NDRG1: variants seen among roughly 807,000 people sequenced by gnomAD.
The protein encoded by NDRG1 is protein NDRG1.
In NDRG1, 32 loss-of-function variants were observed where a neutral mutation model predicts 56.9. The ratio of observed to expected loss-of-function variants is 0.56; its 90% CI spans 0.42 to 0.76. NDRG1 has a LOEUF of 0.76. Among genes scored for constraint, NDRG1 ranks in the 30% least tolerant of loss-of-function variants. The pLI is 0.00. For missense variants in NDRG1, 507 were observed against 545.7 expected (o/e 0.93, Z 0.71); for synonymous variants, 211 against 204.1 (o/e 1.03, Z -0.29).
intron 1 of NDRG1, among the ~76,000 whole-genome samples, chr8:133,295,146 G>T (rs13249682): frequency 6.6e-6 from 1 of 152,132 alleles, no homozygotes; most frequent in Non-Finnish European, 1.5e-5. Flanking sequence ...AAAAGCAAAA[G>T]CCAACACCTC....
chr8:133,238,861 G>A lies in NDRG1; in HGVS notation c.*17C>T, dbSNP rs1225843768. On this transcript the variant is annotated 3_prime_UTR_variant, in exon 16 of 16. Transcript: ENST00000323851. ...CTACAGAGATCAGAGTCCGGGGGCG[G>A]CAGCTGGGCAGGCCGCCTAGCAGGA... The A allele has an allele frequency of 1.3e-6, 2 of 1,547,406 alleles. No individual in the cohort carries two copies. The highest frequency in any genetic ancestry group is 1.4e-5 in the African/African-American group (1 of 73,480).
chr8:133,256,646 G>C, intron 8 of NDRG1, 131 bp downstream of exon 8: 1 of 807,594 alleles, frequency 1.2e-6, no homozygotes, highest in Non-Finnish European at 2.1e-6. Context: ...GAACTGGAGT[G>C]GGCAGTAGAG....
chr8:133,286,691 G>A (rs933048456), intron 1 of NDRG1, among the ~76,000 whole-genome samples: 9 of 152,196 alleles, frequency 5.9e-5, no homozygotes, highest in Admixed American at 1.3e-4. Flanking sequence ...GGATGATCAC[G>A]GGGTATATCT....
intron 3 of NDRG1, among the ~76,000 whole-genome samples, chr8:133,273,169 AC>A (rs1857280140): frequency 2.5e-5 from 2 of 80,192 alleles, no homozygotes; most frequent in Admixed American, 3.0e-4. Context: ...TGGTGAGCAC[AC>A]AAACACAGAT....
chr8:133,290,007 A>G (rs1055594947), intron 1 of NDRG1, among the ~76,000 whole-genome samples: 1 of 152,174 alleles, frequency 6.6e-6, no homozygotes, highest in Admixed American at 6.5e-5. Context: ...TGCTTCACCA[A>G]GACAAAAGGG....
intron 14 of NDRG1, among the ~76,000 whole-genome samples, chr8:133,243,186 C>A (rs1855481359): frequency 2.6e-5 from 4 of 152,178 alleles, no homozygotes; most frequent in Admixed American, 2.6e-4. Context: ...CCACAAAGAG[C>A]CAAATGACAT....
intron 15 of NDRG1, chr8:133,240,988 C>T (rs1855348744): frequency 6.6e-6 from 1 of 152,174 alleles, no homozygotes; most frequent in Non-Finnish European, 1.5e-5. Context: ...GATGTGGATC[C>T]TGCCTGAGCC....
chr8:133,262,980 A>G (rs1206846537), intron 4 of NDRG1, among the ~76,000 whole-genome samples: 1 of 152,174 alleles, frequency 6.6e-6, no homozygotes, highest in African/African-American at 2.4e-5. Flanking sequence ...CTAAACACCC[A>G]CTAAACTGTT....
chr8:133,252,887 G>A (rs768317704), intron 9 of NDRG1, among the ~76,000 whole-genome samples: 2 of 151,334 alleles, frequency 1.3e-5, no homozygotes, highest in East Asian at 3.9e-4. Context: ...TCGTACACTC[G>A]TCAACTCCAG....
At chr8:133,285,006 C>G (rs1298397201) in intron 1 of NDRG1, 2 of 375,938 alleles carry the variant, frequency 5.3e-6, no homozygotes, top group Non-Finnish European at 1.1e-5. Context: ...GAAAGCACTT[C>G]CTGGATCAAA....
chr8:133,243,617 G>GA (rs753224611), intron 14 of NDRG1, among the ~76,000 whole-genome samples: 1 of 152,086 alleles, frequency 6.6e-6, no homozygotes, highest in Non-Finnish European at 1.5e-5. Context: ...CTGAAGCTCT[G>GA]AAAATTCTTT....
chr8:133,261,961 A>C, intron 5 of NDRG1, 86 bp downstream of exon 5: 1 of 1,483,218 alleles, frequency 6.7e-7, no homozygotes, highest in Non-Finnish European at 9.0e-7. Context: ...CACAGTTAAA[A>C]AGTATTTAAA....
rs151091036 is a variant in NDRG1 at position 133,267,256 on chromosome 8, C to T, written c.100-2604G>A. On this transcript the variant is annotated intron_variant, in intron 3 of 15. Coordinates refer to ENST00000323851, the MANE Select transcript of NDRG1 (RefSeq NM_006096.4). ...TTCACTCGCCTGCCCTGGGTTTCCG[C>T]CCTCCTCAAGGTTACCTAAAAGTTC... 7.2e-5 allele frequency among the ~76,000 whole-genome samples: 11 copies of T among 152,322 alleles called. No homozygotes were observed. In the East Asian group the frequency reaches 1.7e-3, roughly 24 times the overall value.
intron 1 of NDRG1, among the ~76,000 whole-genome samples, chr8:133,290,394 G>A (rs1858365529): frequency 6.6e-6 from 1 of 152,178 alleles, no homozygotes; most frequent in Non-Finnish European, 1.5e-5. Context: ...CTTCCTTTAA[G>A]CCTCACAGAA....
At position 133,287,295 on chromosome 8, in the gene NDRG1, C is replaced by T. The variant is rs953065388; in HGVS notation, c.-18-2966G>A. Among the ~76,000 whole-genome samples the T allele has an allele frequency of 7.2e-5, 11 of 152,334 alleles. No individual in the cohort carries two copies. In the South Asian group the frequency reaches 8.3e-4, roughly 11 times the overall value. ...ACAATCTGCCCACTCCCAGCCCCCACGCCACCAGGCTGGCCCTCAAAGAAC... is the reference window on the plus strand; with the variant it reads ...ACAATCTGCCCACTCCCAGCCCCCATGCCACCAGGCTGGCCCTCAAAGAAC... On this transcript the variant is annotated intron_variant, in intron 1 of 15. Transcript: ENST00000323851.
rs139720535 is a variant in NDRG1 at position 133,264,250 on chromosome 8, A to G, written c.205+297T>C. Among the ~76,000 whole-genome samples the G allele has an allele frequency of 3.9e-5, 6 of 152,356 alleles. No individual in the cohort carries two copies. The East Asian group carries it at 1.2e-3, about 29-fold the overall frequency. On this transcript the variant is annotated intron_variant, in intron 4 of 15. Coordinates refer to ENST00000323851, the MANE Select transcript of NDRG1 (RefSeq NM_006096.4). ...GTTCCAAAATTGTGCTGATCGTTGC[A>G]CAATTCTGTGAAAAGACTGAAAACC...
intron 3 of NDRG1, among the ~76,000 whole-genome samples, chr8:133,276,242 T>A (rs554365118): frequency 4.5e-4 from 68 of 152,290 alleles, no homozygotes; most frequent in African/African-American, 1.5e-3. Flanking sequence ...AGGTTGACCT[T>A]CCCTGGGAGT....
intron 1 of NDRG1, chr8:133,288,333 CCAAAACACTTTTTCTGGGATT>C (rs1358837269): frequency 1.3e-5 from 2 of 152,240 alleles, no homozygotes; most frequent in Non-Finnish European, 2.9e-5. Context: ...TCCACTCTCC[CCAAAACACTTTTTCTGGGATT>C]CAAAGTCACC....
intron 7 of NDRG1, among the ~76,000 whole-genome samples, chr8:133,258,109 G>GC (rs1856473885): frequency 1.3e-5 from 2 of 151,982 alleles, no homozygotes; most frequent in African/African-American, 2.4e-5. Context: ...AGTGAGGAGC[G>GC]TCCTCACTAG....
Sources: gnomAD v4.1 joint callset for allele counts (sites outside exome capture counted in the v4.1 genomes callset) on GRCh38, gnomAD v4.1.1 for gene constraint, MANE v1.5 for transcripts, NCBI Gene and HGNC (gene_info 2026-07-23, HGNC 2026-07-21) for gene names.